RBFOX1: variants seen among roughly 807,000 people sequenced by gnomAD.
RBFOX1 encodes RNA binding protein fox-1 homolog 1.
RBFOX1 carries 8 observed loss-of-function variants against 57.7 expected under a neutral mutation model. The observed-to-expected ratio is 0.14, with a 90% confidence interval of 0.08 to 0.25. RBFOX1 has a LOEUF of 0.25. Among genes scored for constraint, RBFOX1 ranks in the 10% least tolerant of loss-of-function variants. The pLI is 1.00. For missense variants in RBFOX1, 611 were observed against 548.5 expected (o/e 1.11, Z -1.14); for synonymous variants, 326 against 222.4 (o/e 1.47, Z -4.15).
chr16:7,581,765 A>G (rs1006138619), intron 6 of RBFOX1, among the ~76,000 whole-genome samples: 3 of 152,258 alleles, frequency 2.0e-5, no homozygotes, highest in African/African-American at 7.2e-5. Flanking sequence ...TACCCAGGCT[A>G]GAGTGCAGTG....
intron 3 of RBFOX1, among the ~76,000 whole-genome samples, chr16:6,993,256 C>G (rs888381049): frequency 1.3e-5 from 2 of 152,186 alleles, no homozygotes; most frequent in African/African-American, 4.8e-5. Context: ...CTGCACACAC[C>G]TTCCTGGGAG....
At chr16:6,905,382 A>C (rs1202507074) in intron 3 of RBFOX1, among the ~76,000 whole-genome samples, 1 of 151,942 alleles carries the variant, frequency 6.6e-6, no homozygotes, top group East Asian at 1.9e-4. Context: ...GCAAAACCCC[A>C]CCTCTACTAA....
chr16:5,792,239 C>T (rs937249500), intron 3 of RBFOX1, among the ~76,000 whole-genome samples: 2 of 152,176 alleles, frequency 1.3e-5, no homozygotes, highest in African/African-American at 4.8e-5. Flanking sequence ...TGTAAATGGT[C>T]AGTTCTGTTG....
intron 2 of RBFOX1, among the ~76,000 whole-genome samples, chr16:6,594,505 T>C (rs1051329962): frequency 6.6e-6 from 1 of 152,118 alleles, no homozygotes; most frequent in Admixed American, 6.6e-5. Flanking sequence ...CACAGATTGT[T>C]GACATGTAGG....
chr16:6,142,540 GA>G (rs2096727216), intron 1 of RBFOX1, among the ~76,000 whole-genome samples: 3 of 152,030 alleles, frequency 2.0e-5, no homozygotes, highest in Non-Finnish European at 4.4e-5. Context: ...CAACTCTTTA[GA>G]AAAACACTCA....
At chr16:6,600,579 G>A (rs566623266) in intron 2 of RBFOX1, among the ~76,000 whole-genome samples, 1 of 152,128 alleles carries the variant, frequency 6.6e-6, no homozygotes, top group Non-Finnish European at 1.5e-5. Flanking sequence ...ACAAAAGACC[G>A]TTAATATTAC....
chr16:6,781,071 A>C (rs2080938494), intron 3 of RBFOX1, among the ~76,000 whole-genome samples: 1 of 152,126 alleles, frequency 6.6e-6, no homozygotes, highest in South Asian at 2.1e-4. Flanking sequence ...ATTTACCCAC[A>C]CCCATGTCTG....
chr16:6,911,183 C>G (rs1312671151), intron 3 of RBFOX1, among the ~76,000 whole-genome samples: 2 of 124,532 alleles, frequency 1.6e-5, no homozygotes, highest in South Asian at 2.9e-4. Context: ...ACCTGGGCAA[C>G]AAGAGTAAAA....
intron 3 of RBFOX1, among the ~76,000 whole-genome samples, chr16:7,016,901 C>G (rs998582752): frequency 6.6e-6 from 1 of 152,124 alleles, no homozygotes; most frequent in Non-Finnish European, 1.5e-5. Context: ...CCCTGTGTAC[C>G]AACCTTGAAA....
chr16:6,157,458 G>A (rs930124621), intron 1 of RBFOX1, among the ~76,000 whole-genome samples: 1 of 152,124 alleles, frequency 6.6e-6, no homozygotes, highest in African/African-American at 2.4e-5. Context: ...TTGTTTATCT[G>A]AAGTGCAAAT....
rs374696457 is a variant in RBFOX1 at position 6,737,446 on chromosome 16, A to T, written c.-16+82796A>T. 1.4e-4 allele frequency among the ~76,000 whole-genome samples: 21 copies of T among 152,344 alleles called. No homozygotes were observed. In the South Asian group the frequency reaches 3.9e-3, roughly 29 times the overall value. ...TATTAAAATAGAATTCAAATATTTG[A>T]AAGTTAAAAAGAACAGACATGTTAC... is the stretch of plus-strand genomic sequence containing the variant. On this transcript the variant is annotated intron_variant, in intron 3 of 15. Coordinates refer to ENST00000550418, the MANE Select transcript of RBFOX1 (RefSeq NM_018723.4).
chr16:5,970,060 T>A (rs184536369), intron 4 of RBFOX1, among the ~76,000 whole-genome samples: 78 of 152,226 alleles, frequency 5.1e-4, no homozygotes, highest in Admixed American at 1.6e-3. Flanking sequence ...CTCTACACAT[T>A]GCTGCCACTG....
At chr16:5,246,084 A>G (rs1231226096) in intron 1 of RBFOX1, among the ~76,000 whole-genome samples, 3 of 152,164 alleles carry the variant, frequency 2.0e-5, no homozygotes, top group Non-Finnish European at 2.9e-5. Context: ...TCTACTAAAA[A>G]TACAAAAATT....
intron 1 of RBFOX1, among the ~76,000 whole-genome samples, chr16:5,261,835 C>T (rs1205874780): frequency 1.3e-5 from 2 of 152,222 alleles, no homozygotes; most frequent in Admixed American, 6.5e-5. Context: ...CAGGTGTGAG[C>T]CACCGTATAA....
At chr16:6,477,035 C>T (rs1459521402) in intron 2 of RBFOX1, among the ~76,000 whole-genome samples, 1 of 152,168 alleles carries the variant, frequency 6.6e-6, no homozygotes, top group Non-Finnish European at 1.5e-5. Flanking sequence ...GTAGTTGCCT[C>T]TTCAGGCTCC....
chr16:6,531,403 C>G (rs60605799), intron 2 of RBFOX1, among the ~76,000 whole-genome samples: 3,127 of 152,282 alleles, frequency 0.021, 115 homozygotes, highest in African/African-American at 0.072. Context: ...GATCAGTTTT[C>G]TTAAGACATC....
chr16:6,533,242 C>T (rs1007431176), intron 2 of RBFOX1, among the ~76,000 whole-genome samples: 3 of 152,202 alleles, frequency 2.0e-5, no homozygotes, highest in Non-Finnish European at 2.9e-5. Context: ...TTGTCTGCAA[C>T]AGAGAACTTT....
chr16:7,362,334 T>A (rs2097342318), intron 4 of RBFOX1, among the ~76,000 whole-genome samples: 1 of 151,268 alleles, frequency 6.6e-6, no homozygotes, highest in South Asian at 2.1e-4. Context: ...GTTTTGTGTG[T>A]ATGTTAGTGT....
At chr16:7,004,159 T>C (rs2093092383) in intron 3 of RBFOX1, 1 of 152,114 alleles carries the variant, frequency 6.6e-6, no homozygotes, top group Admixed American at 6.6e-5. Context: ...TTTTTAAATC[T>C]TATGCACAGA....
Sources: allele counts gnomAD v4.1 joint callset (sites outside exome capture counted in the v4.1 genomes callset), GRCh38; gene constraint gnomAD v4.1.1; transcripts MANE v1.5; gene names NCBI Gene and HGNC (gene_info 2026-07-23, HGNC 2026-07-21).